Variants in FAM135B observed in about 807,000 individuals in gnomAD.
FAM135B encodes protein FAM135B.
Under a neutral mutation model 127.7 loss-of-function variants are expected in FAM135B, and 43 were observed. That is an observed-to-expected ratio of 0.34 (90% CI 0.26 to 0.43). The LOEUF is 0.43. Among genes scored for constraint, FAM135B ranks in the 20% least tolerant of loss-of-function variants. The pLI is 1.00. For missense variants in FAM135B, 1,558 were observed against 1,725.6 expected (o/e 0.90, Z 1.72); for synonymous variants, 670 against 665.1 (o/e 1.01, Z -0.11).
At chr8:138,444,374 A>C (rs1835982210) in intron 1 of FAM135B, among the ~76,000 whole-genome samples, 1 of 152,200 alleles carries the variant, frequency 6.6e-6, no homozygotes. Flanking sequence ...CACCACACTT[A>C]TTCCAAAATT....
chr8:138,325,579 T>C (rs1827751428), intron 2 of FAM135B, among the ~76,000 whole-genome samples: 1 of 152,158 alleles, frequency 6.6e-6, no homozygotes, highest in African/African-American at 2.4e-5. Context: ...TATATATTGC[T>C]CAAAGAATCC....
chr8:138,428,731 T>C (rs1484108012), intron 1 of FAM135B, among the ~76,000 whole-genome samples: 4 of 152,186 alleles, frequency 2.6e-5, no homozygotes, highest in African/African-American at 9.6e-5. Context: ...TAGGGATCCC[T>C]GCCCATTCAT....
chr8:138,323,932 A>T (rs1284931470), intron 2 of FAM135B, among the ~76,000 whole-genome samples: 1 of 152,250 alleles, frequency 6.6e-6, no homozygotes, highest in Non-Finnish European at 1.5e-5. Context: ...ATGGAAAACA[A>T]AGGCTGTCTT....
At chr8:138,364,924 T>A (rs1262829335) in intron 2 of FAM135B, among the ~76,000 whole-genome samples, 1 of 152,118 alleles carries the variant, frequency 6.6e-6, no homozygotes, top group Non-Finnish European at 1.5e-5. Context: ...CTCAGCTCAC[T>A]ACAACCTCCA....
intron 3 of FAM135B, among the ~76,000 whole-genome samples, chr8:138,300,391 C>T (rs1825800061): frequency 6.6e-6 from 1 of 152,082 alleles, no homozygotes. Flanking sequence ...ATTCCATTTG[C>T]CTAACAGCTT....
chr8:138,254,350 G>T (rs1821918014), intron 5 of FAM135B, among the ~76,000 whole-genome samples: 1 of 152,176 alleles, frequency 6.6e-6, no homozygotes, highest in Non-Finnish European at 1.5e-5. Flanking sequence ...CTTATCACAT[G>T]GAGGGCAGGT....
rs963593925 is a variant in FAM135B, at chr8:138,130,537, C to G, written c.*2056G>C. On this transcript the variant is annotated 3_prime_UTR_variant, in exon 20 of 20. Coordinates refer to ENST00000395297, the MANE Select transcript of FAM135B (RefSeq NM_015912.4). ...ATCAGATTCATCCCGGCTCCATAACCGCGGGCTACACAGTCTTTCAAAGGA... is the reference window on the plus strand; with the variant it reads ...ATCAGATTCATCCCGGCTCCATAACGGCGGGCTACACAGTCTTTCAAAGGA... The G allele has an allele frequency of 2.8e-4, 42 of 152,248 alleles. No homozygotes were observed. Among genetic ancestry groups the G allele is most frequent in the Middle Eastern group, 3.4e-3 (1 of 294 alleles). 9.4% of individuals were successfully genotyped at this position (152,248 alleles called of 1,614,324 possible).
chr8:138,290,058 A>C (rs999044078), intron 3 of FAM135B, among the ~76,000 whole-genome samples: 1 of 152,218 alleles, frequency 6.6e-6, no homozygotes, highest in Non-Finnish European at 1.5e-5. Context: ...TGAGATGAGC[A>C]TTGAAAAACA....
chr8:138,292,124 C>T (rs904501324), intron 3 of FAM135B, among the ~76,000 whole-genome samples: 3 of 151,938 alleles, frequency 2.0e-5, no homozygotes, highest in Non-Finnish European at 4.4e-5. Context: ...TGTATGCTAA[C>T]AACAAATACC....
chr8:138,357,799 G>A (rs1336529874), intron 2 of FAM135B, among the ~76,000 whole-genome samples: 1 of 152,042 alleles, frequency 6.6e-6, no homozygotes, highest in Non-Finnish European at 1.5e-5. Context: ...TATTTCCCTA[G>A]TGTCCCTACA....
rs1315570274 is a variant in FAM135B, at chr8:138,242,537, C to T, written c.669+405G>A. 2.6e-5 allele frequency among the ~76,000 whole-genome samples: 4 copies of T among 152,046 alleles called. No homozygotes were observed. In the South Asian group the frequency reaches 8.3e-4, roughly 32 times the overall value. ...CATGAGATTATTAGCTATTGGGGAG[C>T]CCACTCTACAGGTGGGAAAACTGAT... On this transcript the variant is annotated intron_variant, in intron 7 of 19. Coordinates refer to ENST00000395297, the MANE Select transcript of FAM135B (RefSeq NM_015912.4). This position sits in a 1 kb window ranked among gnomAD's most constrained non-coding sequence, Gnocchi z 9.6.
chr8:138,482,189 A>G (rs1299108990), intron 1 of FAM135B, among the ~76,000 whole-genome samples: 1 of 152,188 alleles, frequency 6.6e-6, no homozygotes, highest in African/African-American at 2.4e-5. Flanking sequence ...TGCAGGAGTG[A>G]CACCTTGCTG....
At chr8:138,354,365 T>C (rs567736680) in intron 2 of FAM135B, among the ~76,000 whole-genome samples, 10 of 152,088 alleles carry the variant, frequency 6.6e-5, no homozygotes, top group Non-Finnish European at 1.3e-4. Context: ...ACCCTAGCAC[T>C]ACCCAGGAGA....
At chr8:138,329,852 G>A (rs1187775719) in intron 2 of FAM135B, among the ~76,000 whole-genome samples, 1 of 152,150 alleles carries the variant, frequency 6.6e-6, no homozygotes, top group Non-Finnish European at 1.5e-5. Flanking sequence ...CATGTAAGAA[G>A]ATCTGGGTCA....
intron 11 of FAM135B, among the ~76,000 whole-genome samples, chr8:138,174,505 C>T (rs1814244408): frequency 6.6e-6 from 1 of 152,214 alleles, no homozygotes; most frequent in African/African-American, 2.4e-5. Context: ...GCAATCTTCT[C>T]AGTCTGAAAT....
chr8:138,491,153 AAAAAAAG>A (rs1322069513), intron 1 of FAM135B, among the ~76,000 whole-genome samples: 1,997 of 151,294 alleles, frequency 0.013, 44 homozygotes, highest in African/African-American at 0.046. Context: ...AAAAAAAAAA[AAAAAAAG>A]AAAGAAAGAA....
At chr8:138,205,988 C>CACCAGCAGCACCTCCACCCACGCACAGT (rs1817521582) in intron 7 of FAM135B, among the ~76,000 whole-genome samples, 1 of 151,700 alleles carries the variant, frequency 6.6e-6, no homozygotes, top group Non-Finnish European at 1.5e-5. Context: ...CTACACACAG[C>CACCAGCAGCACCTCCACCCACGCACAGT]TCAGCATCAC....
chr8:138,482,388 G>T (rs1451709948), intron 1 of FAM135B, among the ~76,000 whole-genome samples: 1 of 152,134 alleles, frequency 6.6e-6, no homozygotes. Context: ...TCCTACCAGG[G>T]TTGACTTTAT....
At chr8:138,273,152 AC>A (rs1244136074) in intron 3 of FAM135B, among the ~76,000 whole-genome samples, 6 of 152,324 alleles carry the variant, frequency 3.9e-5, no homozygotes, top group Admixed American at 3.9e-4. Context: ...ATAGAATTTT[AC>A]CAGATATTAG....
Sources: gnomAD v4.1 joint callset for allele counts (sites outside exome capture counted in the v4.1 genomes callset) on GRCh38, gnomAD v4.1.1 for gene constraint, Gnocchi (gnomAD v3.1) non-coding constraint, MANE v1.5 for transcripts, NCBI Gene and HGNC (gene_info 2026-07-23, HGNC 2026-07-21) for gene names.